The following PDGFC variants were observed in gnomAD, a reference collection of about 807,000 sequenced individuals.
PDGFC encodes the protein platelet derived growth factor C.
A neutral mutation model predicts 35.5 loss-of-function variants in PDGFC; 12 were observed. That is an observed-to-expected ratio of 0.34 (90% CI 0.22 to 0.55). The LOEUF (loss-of-function observed/expected upper bound fraction) is 0.55. PDGFC is among the 20% of genes least tolerant of loss of function. The pLI, the probability that PDGFC is intolerant of heterozygous loss-of-function variation, is 0.91. For missense variants in PDGFC, 322 were observed against 412.4 expected, an observed-to-expected ratio of 0.78 and a Z score of 1.90; for synonymous variants, 159 against 148.8, an observed-to-expected ratio of 1.07 and a Z score of -0.50.
rs1044746135 is a variant in PDGFC, at chr4:156,971,334, A to G, written c.-431T>C. Reference sequence around the variant, plus strand: ...TTGCCCGCAGCCAGACTGGAAGCCAAGTCGGCGGCGAGCAGTTTCTGATCA... The same window carrying G: ...TTGCCCGCAGCCAGACTGGAAGCCAGGTCGGCGGCGAGCAGTTTCTGATCA... On this transcript the variant is annotated 5_prime_UTR_variant, in exon 1 of 6. Coordinates refer to ENST00000502773, the MANE Select transcript of PDGFC (RefSeq NM_016205.3). 6.0e-5 allele frequency: 24 copies of G among 399,142 alleles called. No individual in the cohort carries two copies. The highest frequency in any genetic ancestry group is 1.3e-4 in the South Asian group (1 of 7,926). The allele number at this position is 399,142 out of a possible 1,614,324, so 24.7% of individuals were successfully genotyped here.
chr4:156,946,122 T>C (rs977527460), intron 1 of PDGFC, among the ~76,000 whole-genome samples: 1 of 151,996 alleles, frequency 6.6e-6, no homozygotes, highest in East Asian at 1.9e-4. Flanking sequence ...CTATGGAATA[T>C]GCAGACAGAA....
chr4:156,925,800 C>T (rs1367872915), intron 1 of PDGFC, among the ~76,000 whole-genome samples: 1 of 150,752 alleles, frequency 6.6e-6, no homozygotes, highest in Non-Finnish European at 1.5e-5. Flanking sequence ...CCTGTAACTC[C>T]AACGCTTTGG....
At chr4:156,774,722 A>G (rs1730780760) in intron 3 of PDGFC, among the ~76,000 whole-genome samples, 2 of 143,252 alleles carry the variant, frequency 1.4e-5, no homozygotes, top group African/African-American at 5.3e-5. Flanking sequence ...TGTGTGCATT[A>G]TGAGAAAAGC....
intron 1 of PDGFC, among the ~76,000 whole-genome samples, chr4:156,926,546 T>A (rs529119280): frequency 6.6e-6 from 1 of 152,296 alleles, no homozygotes; most frequent in East Asian, 1.9e-4. Context: ...ATGGGGGTAA[T>A]TGGCCAAAAC....
In PDGFC at chr4:156,824,307, TATATATATATATATATATATAC is replaced by T. The variant is rs1239153946; in HGVS notation, c.315-13312_315-13291del. 1.0e-3 allele frequency among the ~76,000 whole-genome samples: 47 copies of T among 47,022 alleles called. 1 individual carries two copies. Among genetic ancestry groups the T allele is most frequent in the Non-Finnish European group, 1.9e-3 (33 of 17,310 alleles). 30.8% of individuals were successfully genotyped at this position (47,022 alleles called of 152,430 possible). ...AAGCATATATATATATATATATATA[TATATATATATATATATATATAC>T]ACACACACACACACACACACATATA... On this transcript the variant is annotated intron_variant, in intron 2 of 5. Coordinates refer to ENST00000502773, the MANE Select transcript of PDGFC (RefSeq NM_016205.3).
rs1377505015 is a variant in PDGFC at position 156,762,179 on chromosome 4, T to C, written c.*911A>G. On this transcript the variant is annotated 3_prime_UTR_variant, in exon 6 of 6. Transcript: ENST00000502773. Reference sequence around the variant, plus strand: ...TACGAGAATGAAATACATGTATTTTTGTCAGAGCAACAATATTTTATATCA... The same window carrying C: ...TACGAGAATGAAATACATGTATTTTCGTCAGAGCAACAATATTTTATATCA... 6.6e-6 allele frequency: 1 copy of C among 152,668 alleles called. No individual in the cohort carries two copies. Among genetic ancestry groups the C allele is most frequent in the Admixed American group, 6.5e-5 (1 of 15,290 alleles). The allele number at this position is 152,668 out of a possible 1,614,324, so 9.5% of individuals were successfully genotyped here. A position where few individuals can be genotyped will look rare whatever the true frequency, so the allele number is the denominator to read the frequency against.
intron 1 of PDGFC, among the ~76,000 whole-genome samples, chr4:156,962,999 A>G (rs1732378025): frequency 6.6e-6 from 1 of 152,138 alleles, no homozygotes; most frequent in Admixed American, 6.5e-5. Flanking sequence ...CATAGTGTAT[A>G]TAGTAGAAAT....
chr4:156,844,204 C>T lies in PDGFC; in HGVS notation c.314+6017G>A, dbSNP rs141413422. ...ACATAGTGTCATGGTGTCTTAGAAG[C>T]TAGCATTTAGTTAGTTAAATTGTTC... On this transcript the variant is annotated intron_variant, in intron 2 of 5. Coordinates refer to ENST00000502773, the MANE Select transcript of PDGFC (RefSeq NM_016205.3). 2.3e-4 allele frequency among the ~76,000 whole-genome samples: 35 copies of T among 152,242 alleles called. No homozygotes were observed. The East Asian group carries it at 5.8e-3, about 25-fold the overall frequency.
chr4:156,903,507 A>T (rs995015448), intron 1 of PDGFC, among the ~76,000 whole-genome samples: 1 of 152,060 alleles, frequency 6.6e-6, no homozygotes, highest in Non-Finnish European at 1.5e-5. Flanking sequence ...AACACAGCAG[A>T]TGGTTTCCCC....
intron 1 of PDGFC, among the ~76,000 whole-genome samples, chr4:156,960,251 G>GTT (rs1032468992): frequency 8.9e-4 from 118 of 132,158 alleles, no homozygotes; most frequent in African/African-American, 3.2e-3. Flanking sequence ...ATATATAACT[G>GTT]TTATATATAT....
chr4:156,939,246 TTA>T (rs1437821486), intron 1 of PDGFC, among the ~76,000 whole-genome samples: 1 of 152,116 alleles, frequency 6.6e-6, no homozygotes, highest in Non-Finnish European at 1.5e-5. Context: ...CGCTTTAAAG[TTA>T]TATCTTTTTC....
intron 1 of PDGFC, among the ~76,000 whole-genome samples, chr4:156,899,175 T>G (rs570457614): frequency 2.0e-5 from 3 of 152,326 alleles, no homozygotes; most frequent in South Asian, 2.1e-4. Context: ...AAATTAAAAG[T>G]TCCAAAATGC....
intron 2 of PDGFC, among the ~76,000 whole-genome samples, chr4:156,822,428 C>T (rs1732294552): frequency 6.7e-6 from 1 of 148,920 alleles, no homozygotes; most frequent in South Asian, 2.1e-4. Flanking sequence ...TATGAGGAAG[C>T]ACATACAATA....
At chr4:156,904,752 G>C (rs903093351) in intron 1 of PDGFC, among the ~76,000 whole-genome samples, 4 of 151,982 alleles carry the variant, frequency 2.6e-5, no homozygotes, top group Admixed American at 6.6e-5. Flanking sequence ...GTGCATTTAG[G>C]TTCACTAACC....
At chr4:156,921,055 C>T (rs751383878) in intron 1 of PDGFC, among the ~76,000 whole-genome samples, 1 of 152,108 alleles carries the variant, frequency 6.6e-6, no homozygotes, top group Non-Finnish European at 1.5e-5. Flanking sequence ...AAGAATAAGA[C>T]AACCAATAAG....
intron 1 of PDGFC, among the ~76,000 whole-genome samples, chr4:156,936,245 G>A (rs1731678211): frequency 6.6e-6 from 1 of 152,068 alleles, no homozygotes; most frequent in Non-Finnish European, 1.5e-5. Flanking sequence ...ACTATGAGGA[G>A]GACCTTGTTC....
intron 3 of PDGFC, among the ~76,000 whole-genome samples, chr4:156,806,459 T>C (rs1579021187): frequency 6.6e-6 from 1 of 151,954 alleles, no homozygotes; most frequent in East Asian, 1.9e-4. Flanking sequence ...TTAAAACCAT[T>C]TAAGAAAAAT....
intron 1 of PDGFC, among the ~76,000 whole-genome samples, chr4:156,898,443 A>G (rs930609287): frequency 3.9e-5 from 6 of 152,208 alleles, no homozygotes; most frequent in Admixed American, 6.5e-5. Context: ...TATAAGTGAG[A>G]ATAAAATAAA....
intron 1 of PDGFC, among the ~76,000 whole-genome samples, chr4:156,934,109 T>C (rs1244258664): frequency 6.6e-6 from 1 of 152,194 alleles, no homozygotes; most frequent in Admixed American, 6.5e-5. Flanking sequence ...CAATATACAG[T>C]CATGAGTCAC....
Sources: allele counts gnomAD v4.1 joint callset (sites outside exome capture counted in the v4.1 genomes callset), GRCh38; gene constraint gnomAD v4.1.1; transcripts MANE v1.5; gene names NCBI Gene and HGNC (gene_info 2026-07-23, HGNC 2026-07-21).